Variants in ATG2B observed in about 807,000 individuals in gnomAD.
ATG2B encodes autophagy-related protein 2 homolog B.
A neutral mutation model predicts 241.3 loss-of-function variants in ATG2B; 121 were observed. That is an observed-to-expected ratio of 0.50 (90% CI 0.43 to 0.58). The LOEUF (loss-of-function observed/expected upper bound fraction) is 0.58, where lower values mean the gene tolerates loss of function less well. ATG2B is among the 20% of genes least tolerant of loss of function. The pLI, the probability that ATG2B is intolerant of heterozygous loss-of-function variation, is 0.00. For synonymous variants in ATG2B, 858 were observed against 876.6 expected, an observed-to-expected ratio of 0.98 and a Z score of 0.37; for missense variants, 2,306 against 2,491.6, an observed-to-expected ratio of 0.93 and a Z score of 1.59.
At chr14:96,295,265 TA>T in intron 35 of ATG2B, 98 bp from the exon 36 acceptor site, 1 of 1,154,616 alleles carries the variant, frequency 8.7e-7, no homozygotes, top group Non-Finnish European at 1.2e-6. Flanking sequence ...ACATTTTATT[TA>T]ATCAAAATAC....
rs1887733054 is a variant in ATG2B, at chr14:96,331,537, A to G, written c.1569T>C (p.Pro523=). 1 of 1,614,056 alleles carries G rather than the reference A, an allele frequency of 6.2e-7. No individual in the cohort carries two copies. The highest frequency in any genetic ancestry group is 8.5e-7 in the Non-Finnish European group (1 of 1,180,016). ...TCTGTGACGTTTCAGGTGGAGATAA[A>G]GGATCAATGTGAAGCACAGAGATTG... The part of the protein sequence containing the change: ...TFSISVLHID[P]LSPPETSQNL... Residue 523 remains proline (P), a synonymous_variant, in exon 11 of 42, where the codon CCT becomes CCC. Transcript: ENST00000359933.
At position 96,290,974 on chromosome 14, in the gene ATG2B, A is replaced by G. The variant is rs765479124; in HGVS notation, c.5580-39T>C. On this transcript the variant is annotated intron_variant, in intron 38 of 41. Coordinates refer to ENST00000359933, the MANE Select transcript of ATG2B (RefSeq NM_018036.7). This position sits in a 1 kb window ranked among gnomAD's most constrained non-coding sequence, Gnocchi z 4.4. Reference sequence around the variant, plus strand: ...TTATTAGTATGTCAAAAGGAGAAATACATTTATAGACACAGATTAGTTTGA... The same window carrying G: ...TTATTAGTATGTCAAAAGGAGAAATGCATTTATAGACACAGATTAGTTTGA... 1.1e-5 allele frequency: 17 copies of G among 1,556,484 alleles called. No individual in the cohort carries two copies. The highest frequency in any genetic ancestry group is 1.5e-5 in the Non-Finnish European group (17 of 1,146,322).
At chr14:96,330,451 A>G (rs1024815737) in intron 11 of ATG2B, among the ~76,000 whole-genome samples, 34 of 152,164 alleles carry the variant, frequency 2.2e-4, no homozygotes, top group African/African-American at 7.7e-4. Context: ...TTAAAATTGT[A>G]AAACAGAGTT....
rs1356809154 is a variant in ATG2B at position 96,311,108 on chromosome 14, T to C, written c.4161+9A>G. ...GCAGGGACTGGAGGAATCACATTGC[T>C]GACTGTACCTTAGACCTTCTTTGAA... On this transcript the variant is annotated intron_variant, in intron 28 of 41. Coordinates refer to ENST00000359933, the MANE Select transcript of ATG2B (RefSeq NM_018036.7). 1 of 1,601,870 alleles carries C rather than the reference T, an allele frequency of 6.2e-7. No individual in the cohort carries two copies. Among genetic ancestry groups the C allele is most frequent in the Non-Finnish European group, 8.5e-7 (1 of 1,172,860 alleles).
intron 29 of ATG2B, among the ~76,000 whole-genome samples, chr14:96,308,282 A>T (rs368517381): frequency 0.35 from 12,868 of 36,672 alleles, 1,888 homozygotes; most frequent in South Asian, 0.47. Flanking sequence ...ATATATATAT[A>T]TTTTTTTTTT....
At position 96,311,222 on chromosome 14, in the gene ATG2B, A is replaced by G. The variant is rs147803900; in HGVS notation, c.4056T>C (p.Ser1352=). The change falls in exon 28 of 42, where the codon TCT becomes TCC. Residue 1352 remains serine, a synonymous_variant. Transcript: ENST00000359933. The part of the protein sequence containing the change: ...DVVHIRTCSD[S]CAALMNLIQY... ...GAATGAGATTCATTAACGCAGCACA[A>G]GAGTCTGAGCACGTTCTGATATGGA... The G allele has an allele frequency of 4.2e-5, 68 of 1,613,990 alleles. No individual in the cohort carries two copies. Among genetic ancestry groups the G allele is most frequent in the Non-Finnish European group, 5.4e-5 (64 of 1,179,962 alleles).
intron 34 of ATG2B, among the ~76,000 whole-genome samples, chr14:96,299,993 C>A (rs1186891582): frequency 2.0e-5 from 3 of 152,150 alleles, no homozygotes; most frequent in Non-Finnish European, 4.4e-5. Context: ...AAGAGGCGAA[C>A]TGAAAAGAAT....
In ATG2B at chr14:96,290,129, C is replaced by T; in HGVS notation, c.5856+307G>A. ...ATCTTTAATACTTCTGTTTAATCTA[C>T]AACGCCTTCTTCAAATTTAGCTACG... On this transcript the variant is annotated intron_variant, in intron 40 of 41. Transcript: ENST00000359933. This position sits in a 1 kb window ranked among gnomAD's most constrained non-coding sequence, Gnocchi z 4.4. 1 of 1,246,490 alleles carries T rather than the reference C, an allele frequency of 8.0e-7. No homozygotes were observed. The highest frequency in any genetic ancestry group is 1.0e-6 in the Non-Finnish European group (1 of 988,880). 77.2% of individuals were successfully genotyped at this position (1,246,490 alleles called of 1,614,324 possible). A position where few individuals can be genotyped will look rare whatever the true frequency, so the allele number is the denominator to read the frequency against.
intron 21 of ATG2B, 43 bp from the exon 22 acceptor site, chr14:96,315,626 C>T: frequency 6.7e-7 from 1 of 1,490,954 alleles, no homozygotes; most frequent in Non-Finnish European, 9.3e-7. Flanking sequence ...AAAATGATTA[C>T]TTGAAATTAG....
intron 5 of ATG2B, 66 bp from the exon 6 acceptor site, chr14:96,341,767 A>G: frequency 4.2e-6 from 5 of 1,184,240 alleles, no homozygotes; most frequent in Non-Finnish European, 4.6e-6. Flanking sequence ...AATGTAAAAT[A>G]TAAATGTCAA....
intron 1 of ATG2B, among the ~76,000 whole-genome samples, chr14:96,349,754 A>G (rs1346655619): frequency 1.3e-5 from 2 of 152,194 alleles, no homozygotes; most frequent in Non-Finnish European, 2.9e-5. Flanking sequence ...TCACTTCCAA[A>G]GTACACATTT....
In ATG2B at chr14:96,282,361, T is replaced by C. The variant is rs970803629; in HGVS notation, c.*3394A>G. The C allele has an allele frequency of 1.3e-5, 2 of 152,240 alleles. No individual in the cohort carries two copies. The highest frequency in any genetic ancestry group is 2.9e-5 in the Non-Finnish European group (2 of 68,038). 9.4% of individuals were successfully genotyped at this position (152,240 alleles called of 1,614,324 possible). A position where few individuals can be genotyped will look rare whatever the true frequency, so the allele number is the denominator to read the frequency against. On this transcript the variant is annotated 3_prime_UTR_variant, in exon 42 of 42. Coordinates refer to ENST00000359933, the MANE Select transcript of ATG2B (RefSeq NM_018036.7). ...TAAAGAACTTGATGGAGAAAAGAAC[T>C]TGACGGACATTCTCTCTGAAGTCTT...
Position 96,315,377 on chromosome 14 carries a change from C to T in ATG2B, c.3561+7G>A, listed in dbSNP as rs1262696555. On this transcript the variant is annotated splice_region_variant and intron_variant, in intron 22 of 41. Coordinates refer to ENST00000359933, the MANE Select transcript of ATG2B (RefSeq NM_018036.7). Reference sequence around the variant, plus strand: ...TCAACAGTGGCATAAAAGTACAAAACACAAACCTTTGTATTGGACTCTGAT... The same window carrying T: ...TCAACAGTGGCATAAAAGTACAAAATACAAACCTTTGTATTGGACTCTGAT... The T allele has an allele frequency of 6.2e-7, 1 of 1,613,016 alleles. No individual in the cohort carries two copies. The highest frequency in any genetic ancestry group is 8.5e-7 in the Non-Finnish European group (1 of 1,179,176).
rs1156904000 is a variant in ATG2B, at chr14:96,285,784, A to T, written c.6208T>A (p.Ser2070Thr). The change falls in exon 42 of 42, where the codon TCA becomes ACA. Residue 2070 changes from serine (S) to threonine (T), a missense_variant. Ser to Thr is a moderately conservative substitution (Grantham distance 58). Around this residue, in one of 2 missense-constraint regions of ATG2B, gnomAD observed 379 missense variants for 480.4 expected, o/e 0.79. Coordinates refer to ENST00000359933, the MANE Select transcript of ATG2B (RefSeq NM_018036.7). This position sits in a 1 kb window ranked among gnomAD's most constrained non-coding sequence, Gnocchi z 4.2. ...TCATCCCCGTGGCGCCATTTCTGTG[A>T]CTCGTCTTGCCGGACATCTGGCCTA... Reference protein sequence around the residue: ...QIRPDVRQDESQKWRHGDD With the variant: ...QIRPDVRQDETQKWRHGDD The T allele has an allele frequency of 5.0e-6, 8 of 1,613,648 alleles. No homozygotes were observed. In the East Asian group the frequency reaches 1.8e-4, roughly 36 times the overall value.
At chr14:96,307,120 A>C (rs1886972007) in intron 29 of ATG2B, among the ~76,000 whole-genome samples, 1 of 152,040 alleles carries the variant, frequency 6.6e-6, no homozygotes, top group African/African-American at 2.4e-5. Flanking sequence ...TACATCAAAA[A>C]CCACTAATAG....
chr14:96,308,371 G>A (rs1268753151), intron 29 of ATG2B, among the ~76,000 whole-genome samples: 4 of 139,460 alleles, frequency 2.9e-5, no homozygotes, highest in Non-Finnish European at 4.6e-5. Flanking sequence ...TGCAACCTCC[G>A]TCTCCTGGGC....
At chr14:96,292,627 G>A (rs1208120888) in intron 36 of ATG2B, among the ~76,000 whole-genome samples, 1 of 152,206 alleles carries the variant, frequency 6.6e-6, no homozygotes, top group African/African-American at 2.4e-5. Flanking sequence ...GCAACTGTGG[G>A]CAAGTCACTT....
chr14:96,329,464 A>G lies in ATG2B; in HGVS notation c.1881+20T>C, dbSNP rs754283458. 1 of 1,515,166 alleles carries G rather than the reference A, an allele frequency of 6.6e-7. No individual in the cohort carries two copies. The highest frequency in any genetic ancestry group is 8.9e-7 in the Non-Finnish European group (1 of 1,126,084). The allele number at this position is 1,515,166 out of a possible 1,614,324, so 93.9% of individuals were successfully genotyped here. On this transcript the variant is annotated intron_variant, in intron 12 of 41. Coordinates refer to ENST00000359933, the MANE Select transcript of ATG2B (RefSeq NM_018036.7). ...GTAGATTTAAAAAATAATCTTAAAGAAAAAGTATTCAATATTTACCTCTGT... is the reference window on the plus strand; with the variant it reads ...GTAGATTTAAAAAATAATCTTAAAGGAAAAGTATTCAATATTTACCTCTGT...
Position 96,315,402 on chromosome 14 carries a change from T to C in ATG2B, c.3543A>G (p.Lys1181=), listed in dbSNP as rs751870884. ...LSVAVKILSD[K]SESNTKEFLI... is the part of the protein sequence containing the mutation. ...CACAAACCTTTGTATTGGACTCTGA[T>C]TTATCAGACAATATTTTAACGGCAA... The change falls in exon 22 of 42, where the codon AAA becomes AAG. Residue 1181 remains lysine, a synonymous_variant. Coordinates refer to ENST00000359933, the MANE Select transcript of ATG2B (RefSeq NM_018036.7). 5.6e-6 allele frequency: 9 copies of C among 1,614,152 alleles called. No individual in the cohort carries two copies. The highest frequency in any genetic ancestry group is 7.6e-6 in the Non-Finnish European group (9 of 1,180,000).
Sources: allele counts gnomAD v4.1 joint callset (sites outside exome capture counted in the v4.1 genomes callset), GRCh38; gene constraint gnomAD v4.1.1; regional missense constraint gnomAD v4.1.1; non-coding constraint Gnocchi (gnomAD v3.1); transcripts MANE v1.5; gene names NCBI Gene and HGNC (gene_info 2026-07-23, HGNC 2026-07-21).